Variants in OTOG observed in about 807,000 individuals in gnomAD.
OTOG encodes the protein otogelin.
Under a neutral mutation model 313.8 loss-of-function variants are expected in OTOG, and 296 were observed. The observed-to-expected ratio is 0.94, with a 90% CI of 0.86 to 1.04. The LOEUF is 1.04. Ranked by LOEUF, OTOG falls within the 50% of genes least tolerant of loss-of-function variation. The probability of loss-of-function intolerance (pLI) is 0.00; values close to 1 mark genes in which losing one functional copy is unlikely to be tolerated. For synonymous variants in OTOG, 1,533 were observed against 1,554.9 expected, an observed-to-expected ratio of 0.99 and a Z score of 0.33; for missense variants, 3,948 against 3,840.1, an observed-to-expected ratio of 1.03 and a Z score of -0.74.
Position 17,555,759 on chromosome 11 carries a change from C to G in OTOG, c.541-20C>G. The stretch of plus-strand genomic sequence containing the variant: ...CCTGTGGCAGGAGCCTGCAAACCAG[C>G]CTCTGAACTCCCTACTCAGGTACAC... On this transcript the variant is annotated intron_variant, in intron 6 of 55. Transcript: ENST00000399397. 1 of 1,543,456 alleles carries G rather than the reference C, an allele frequency of 6.5e-7. No homozygotes were observed. The highest frequency in any genetic ancestry group is 8.8e-7 in the Non-Finnish European group (1 of 1,141,584).
Position 17,640,960 on chromosome 11 carries a change from G to T in OTOG, c.8059G>T (p.Gly2687Cys). The T allele has an allele frequency of 6.5e-7, 1 of 1,548,342 alleles. No homozygotes were observed. The highest frequency in any genetic ancestry group is 8.7e-7 in the Non-Finnish European group (1 of 1,146,970). The change falls in exon 51 of 56, where the codon GGC (glycine) becomes TGC (cysteine). Residue 2687 changes from glycine (G) to cysteine (C), a missense_variant. Physicochemically the swap from Gly to Cys is radical, Grantham distance 159. Coordinates refer to ENST00000399397, the MANE Select transcript of OTOG (RefSeq NM_001292063.2). ...CCGCGAGCTGGGTGTGATGCAGCCC[G>T]GCCAGACAGTGGTGGAGCTCTCAGC... ...LSRELGVMQPGQTVVELSADG... is the reference protein window; with the variant it reads ...LSRELGVMQPCQTVVELSADG...
At position 17,576,587 on chromosome 11, in the gene OTOG, G is replaced by T. The variant is rs752709315; in HGVS notation, c.2518G>T (p.Asp840Tyr). 1 of 1,550,534 alleles carries T rather than the reference G, an allele frequency of 6.4e-7. No homozygotes were observed. Among genetic ancestry groups the T allele is most frequent in the South Asian group, 1.2e-5 (1 of 84,044 alleles). ...GTGCTCCTGCCACTTCCAGGGAGTG[G>T]ACTATCCCCCCGGAGACAGTGACAT... ...NQCSCHFQGV[D>Y]YPPGDSDIPS... The change falls in exon 21 of 56, where the codon GAC becomes TAC. Residue 840 changes from aspartate to tyrosine, a missense_variant. Coordinates refer to ENST00000399397, the MANE Select transcript of OTOG (RefSeq NM_001292063.2).
At chr11:17,559,890 G>A (rs1436353528) in intron 12 of OTOG, among the ~76,000 whole-genome samples, 3 of 102,298 alleles carry the variant, frequency 2.9e-5, no homozygotes, top group Admixed American at 9.0e-5. Flanking sequence ...GGAAGGGAGA[G>A]AGGGAGGGAG....
intron 32 of OTOG, among the ~76,000 whole-genome samples, chr11:17,604,001 A>G (rs559068596): frequency 6.6e-6 from 1 of 152,272 alleles, no homozygotes; most frequent in African/African-American, 2.4e-5. Context: ...AATCCTCATG[A>G]CAATCTTAGG....
In OTOG at chr11:17,643,487, G is replaced by A; in HGVS notation, c.8442G>A (p.Leu2814=). 1 of 1,461,534 alleles carries A rather than the reference G, an allele frequency of 6.8e-7. No individual in the cohort carries two copies. Among genetic ancestry groups the A allele is most frequent in the South Asian group, 1.4e-5 (1 of 70,378 alleles). The allele number at this position is 1,461,534 out of a possible 1,614,324, so 90.5% of individuals were successfully genotyped here. Residue 2814 remains leucine (L), a synonymous_variant, in exon 54 of 56, where the codon TTG becomes TTA. Transcript: ENST00000399397. ...AKVGGSVVPS[L]EGCCRTCKED... ...TTGGGGGTTCCGTGGTACCTTCCTT[G>A]GAAGGATGCTGCAGGACCTGTGAGT...
intron 39 of OTOG, among the ~76,000 whole-genome samples, chr11:17,625,931 G>A (rs1269875764): frequency 3.3e-5 from 5 of 152,146 alleles, no homozygotes. Context: ...TTTATAGTTT[G>A]AGGTCTTAGA....
At chr11:17,645,471 C>T in intron 54 of OTOG, 93 bp from the exon 55 acceptor site, 1 of 1,189,164 alleles carries the variant, frequency 8.4e-7, no homozygotes, top group Non-Finnish European at 1.2e-6. Context: ...AGAGACCCTC[C>T]AGCATGACAC....
At chr11:17,640,146 A>G (rs1417803198) in intron 49 of OTOG, among the ~76,000 whole-genome samples, 3 of 152,192 alleles carry the variant, frequency 2.0e-5, no homozygotes, top group African/African-American at 4.8e-5. Flanking sequence ...ACTAAATGCC[A>G]GGAACTTTCC....
chr11:17,593,357 A>G, intron 26 of OTOG, 30 bp downstream of exon 26: 1 of 1,549,574 alleles, frequency 6.5e-7, no homozygotes, highest in Non-Finnish European at 8.7e-7. Context: ...AAGGTTGTGT[A>G]GACAATTTAC....
At chr11:17,556,117 A>G (rs184837014) in intron 7 of OTOG, among the ~76,000 whole-genome samples, 1 of 152,182 alleles carries the variant, frequency 6.6e-6, no homozygotes, top group East Asian at 1.9e-4. Context: ...GATATTGCAG[A>G]TTTCCAGACA....
At chr11:17,566,588 C>G (rs1380800447) in intron 15 of OTOG, among the ~76,000 whole-genome samples, 2 of 152,166 alleles carry the variant, frequency 1.3e-5, no homozygotes, top group African/African-American at 2.4e-5. Context: ...TTCTAGCTTC[C>G]TCCTCTTGCT....
chr11:17,563,668 C>T (rs1040603287), intron 15 of OTOG, among the ~76,000 whole-genome samples: 3 of 150,280 alleles, frequency 2.0e-5, no homozygotes, highest in Non-Finnish European at 4.4e-5. Context: ...GTCTCAGGGT[C>T]CCTTACTCAG....
intron 19 of OTOG, 70 bp from the exon 20 acceptor site, chr11:17,574,650 T>C (rs538219496): frequency 6.4e-6 from 9 of 1,402,608 alleles, no homozygotes; most frequent in Non-Finnish European, 8.7e-6. Context: ...CTCATCAGAA[T>C]GACAGCCCCA....
chr11:17,594,186 C>A lies in OTOG; in HGVS notation c.3408+20C>A, dbSNP rs1853032132. The A allele has an allele frequency of 1.9e-6, 3 of 1,550,604 alleles. No homozygotes were observed. The African/African-American group carries it at 4.1e-5, about 21-fold the overall frequency. On this transcript the variant is annotated intron_variant, in intron 28 of 55. Coordinates refer to ENST00000399397, the MANE Select transcript of OTOG (RefSeq NM_001292063.2). ...GTTGAGGTAAAGCCTCTCTTCCAGG[C>A]TGGCTTATGCCCCTCACTCAGATGG... is the stretch of plus-strand genomic sequence containing the variant.
intron 52 of OTOG, 88 bp downstream of exon 52, chr11:17,642,039 T>C: frequency 1.3e-6 from 2 of 1,522,190 alleles, no homozygotes; most frequent in Non-Finnish European, 1.8e-6. Flanking sequence ...AGGCCAGGGC[T>C]GGGTACAAAC....
chr11:17,627,396 T>A (rs1854011091), intron 39 of OTOG, among the ~76,000 whole-genome samples: 1 of 152,188 alleles, frequency 6.6e-6, no homozygotes, highest in Non-Finnish European at 1.5e-5. Flanking sequence ...TTTTTGTCCT[T>A]TATTCTGTTG....
rs1447431440 is a variant in OTOG at position 17,585,524 on chromosome 11, C to CTTATTCTATATTCTAT, written c.2760-950_2760-949insTTATTCTATATTCTAT. 3.9e-5 allele frequency among the ~76,000 whole-genome samples: 6 copies of CTTATTCTATATTCTAT among 152,268 alleles called. No homozygotes were observed. The East Asian group carries it at 5.8e-4, about 15-fold the overall frequency. The stretch of plus-strand genomic sequence containing the variant: ...TTTCACTAATTTCTCCTCTTATATT[C>CTTATTCTATATTCTAT]ATTTCTTTCCTACTACTTACTTTGG... On this transcript the variant is annotated intron_variant, in intron 23 of 55. Transcript: ENST00000399397.
chr11:17,612,788 C>T (rs1266939305), intron 38 of OTOG, 23 bp downstream of exon 38: 2 of 1,547,620 alleles, frequency 1.3e-6, no homozygotes, highest in East Asian at 2.4e-5. Flanking sequence ...TACCTCCCTC[C>T]CTGCTGGGGA....
intron 15 of OTOG, among the ~76,000 whole-genome samples, chr11:17,566,501 T>C (rs1852296215): frequency 2.0e-5 from 3 of 152,310 alleles, no homozygotes; most frequent in South Asian, 4.1e-4. Context: ...TATTTCTCTA[T>C]AAAACCATCT....
Sources: allele counts gnomAD v4.1 joint callset (sites outside exome capture counted in the v4.1 genomes callset), GRCh38; gene constraint gnomAD v4.1.1; transcripts MANE v1.5; gene names NCBI Gene and HGNC (gene_info 2026-07-23, HGNC 2026-07-21).